The following ELL variants were observed in gnomAD, a reference collection of about 807,000 sequenced individuals.
ELL encodes RNA polymerase II elongation factor ELL.
Under a neutral mutation model 64.0 loss-of-function variants are expected in ELL, and 18 were observed. The ratio of observed to expected loss-of-function variants is 0.28; its 90% CI spans 0.19 to 0.42. The LOEUF (loss-of-function observed/expected upper bound fraction) is 0.42. Among genes scored for constraint, ELL ranks in the 10% least tolerant of loss-of-function variants. The pLI, the probability that ELL is intolerant of heterozygous loss-of-function variation, is 1.00. For missense variants in ELL, 797 were observed against 870.4 expected (o/e 0.92, Z 1.06); for synonymous variants, 399 against 376.2 (o/e 1.06, Z -0.70).
In ELL at chr19:18,498,471, G is replaced by C. The variant is rs112627884; in HGVS notation, c.135+23450C>G. 7.2e-3 allele frequency among the ~76,000 whole-genome samples: 1,096 copies of C among 152,272 alleles called. 7 individuals are homozygous for C. Among genetic ancestry groups the C allele is most frequent in the Middle Eastern group, 0.014 (4 of 294 alleles). On this transcript the variant is annotated intron_variant, in intron 1 of 11. Transcript: ENST00000262809. ...CTGATGCCAGGCAGCTGCACTCAAC[G>C]GTGTGAGACTGCACAGTACCATCCA...
chr19:18,482,991 G>C (rs1320180262), intron 1 of ELL, among the ~76,000 whole-genome samples: 1 of 151,932 alleles, frequency 6.6e-6, no homozygotes, highest in Non-Finnish European at 1.5e-5. Flanking sequence ...GTGTTGCCCA[G>C]GCTGGTCTCA....
intron 1 of ELL, among the ~76,000 whole-genome samples, chr19:18,494,462 C>T (rs1487964572): frequency 1.3e-5 from 2 of 151,812 alleles, no homozygotes; most frequent in Non-Finnish European, 2.9e-5. Flanking sequence ...GGCGCGATCT[C>T]TGCTCACTGC....
intron 1 of ELL, among the ~76,000 whole-genome samples, chr19:18,519,774 T>C (rs1324404963): frequency 7.5e-6 from 1 of 134,004 alleles, no homozygotes; most frequent in East Asian, 2.1e-4. Flanking sequence ...GCCACCTCAA[T>C]GAAGCCTGGG....
At chr19:18,478,633 C>T (rs543102694) in intron 1 of ELL, among the ~76,000 whole-genome samples, 44 of 152,226 alleles carry the variant, frequency 2.9e-4, no homozygotes, top group Non-Finnish European at 5.4e-4. Context: ...CTGGTAGGGC[C>T]GCCACAGCTG....
At position 18,450,665 on chromosome 19, in the gene ELL, C is replaced by G. The variant is rs756997423; in HGVS notation, c.1277G>C (p.Gly426Ala). The G allele has an allele frequency of 1.3e-5, 21 of 1,589,460 alleles. No individual in the cohort carries two copies. In the East Asian group the frequency reaches 4.3e-4, roughly 33 times the overall value. Residue 426 changes from glycine to alanine, a missense_variant, in exon 8 of 12, where the codon GGC (glycine) becomes GCC (alanine). Physicochemically the swap from Gly to Ala is moderately conservative, Grantham distance 60. Transcript: ENST00000262809. ...AAAPAPTVRL[G>A]LPLLTDCAQP... ...GGCACAGTCCGTCAGCAGGGGCAGG[C>G]CGAGGCGCACAGTGGGGGCTGGGGC...
intron 1 of ELL, among the ~76,000 whole-genome samples, chr19:18,485,700 G>T (rs1975397065): frequency 1.3e-5 from 2 of 152,150 alleles, no homozygotes; most frequent in South Asian, 4.1e-4. Flanking sequence ...GAAAGCTACG[G>T]GGATGGGCCG....
chr19:18,485,351 AC>A (rs1425572215), intron 1 of ELL, among the ~76,000 whole-genome samples: 2 of 151,980 alleles, frequency 1.3e-5, no homozygotes, highest in African/African-American at 2.4e-5. Flanking sequence ...TCCAAGCTCA[AC>A]TGCTATTAGA....
intron 2 of ELL, among the ~76,000 whole-genome samples, chr19:18,471,827 A>C (rs1052782887): frequency 1.3e-5 from 2 of 152,210 alleles, no homozygotes; most frequent in South Asian, 4.1e-4. Context: ...ATTTCAAAAA[A>C]ATGAGGGTGC....
intron 1 of ELL, among the ~76,000 whole-genome samples, chr19:18,519,821 A>AAAAGAAAG (rs56926583): frequency 7.2e-6 from 1 of 139,258 alleles, no homozygotes; most frequent in Admixed American, 7.3e-5. Context: ...AAAAAAAAAA[A>AAAAGAAAG]AAAGAAAGAA....
chr19:18,468,569 T>TG (rs1974999677), intron 2 of ELL, among the ~76,000 whole-genome samples: 1 of 152,204 alleles, frequency 6.6e-6, no homozygotes, highest in South Asian at 2.1e-4. Context: ...CCAGGGAAGC[T>TG]GGGGACCACA....
At chr19:18,509,599 A>G (rs910102133) in intron 1 of ELL, among the ~76,000 whole-genome samples, 2,596 of 9,106 alleles carry the variant, frequency 0.29, 144 homozygotes, top group African/African-American at 0.42. Context: ...GCGCGCACAT[A>G]CACACACACA....
chr19:18,445,354 A>G, intron 10 of ELL, 86 bp from the exon 11 acceptor site: 63 of 566,712 alleles, frequency 1.1e-4, no homozygotes, highest in East Asian at 4.2e-4. Flanking sequence ...TGCTCTGAGA[A>G]GGGGGCATGG....
intron 1 of ELL, among the ~76,000 whole-genome samples, chr19:18,483,075 T>G (rs1027741004): frequency 6.6e-6 from 1 of 151,936 alleles, no homozygotes; most frequent in Non-Finnish European, 1.5e-5. Flanking sequence ...GCCATCACAC[T>G]CCCATCTTTT....
chr19:18,504,959 C>T (rs1975852433), intron 1 of ELL, among the ~76,000 whole-genome samples: 2 of 152,334 alleles, frequency 1.3e-5, no homozygotes, highest in South Asian at 4.1e-4. Context: ...CCCACAGCTC[C>T]AGCAGAGGAA....
intron 1 of ELL, among the ~76,000 whole-genome samples, chr19:18,505,175 C>T (rs570486672): frequency 1.1e-3 from 161 of 152,258 alleles, no homozygotes; most frequent in Middle Eastern, 3.4e-3. Context: ...TGTCCCGTAG[C>T]CCCCACTCCT....
At chr19:18,474,459 T>C (rs993280983) in intron 1 of ELL, among the ~76,000 whole-genome samples, 6 of 152,216 alleles carry the variant, frequency 3.9e-5, no homozygotes, top group African/African-American at 1.4e-4. Context: ...ATGGTGCCCC[T>C]GCACGCTAAC....
At chr19:18,508,744 G>C (rs1374843139) in intron 1 of ELL, among the ~76,000 whole-genome samples, 1 of 152,254 alleles carries the variant, frequency 6.6e-6, no homozygotes, top group East Asian at 1.9e-4. Flanking sequence ...AGCCTTGGCT[G>C]CCGTCACAGG....
intron 1 of ELL, among the ~76,000 whole-genome samples, chr19:18,513,718 T>A (rs918780990): frequency 6.6e-6 from 1 of 151,850 alleles, no homozygotes; most frequent in African/African-American, 2.4e-5. Flanking sequence ...GATCACAAGG[T>A]CAGGAGATGG....
In ELL at chr19:18,479,308, G is replaced by A. The variant is rs79868894; in HGVS notation, c.136-6426C>T. 1.7e-4 allele frequency among the ~76,000 whole-genome samples: 26 copies of A among 152,278 alleles called. No homozygotes were observed. In the East Asian group the frequency reaches 3.9e-3, roughly 23 times the overall value. ...AGAAGCCCTGGGCTGACCCTGCCAC[G>A]GGAAGCGACCATCAGAGCAGAAAGC... On this transcript the variant is annotated intron_variant, in intron 1 of 11. Coordinates refer to ENST00000262809, the MANE Select transcript of ELL (RefSeq NM_006532.4).
Sources: gnomAD v4.1 joint callset for allele counts (sites outside exome capture counted in the v4.1 genomes callset) on GRCh38, gnomAD v4.1.1 for gene constraint, MANE v1.5 for transcripts, NCBI Gene and HGNC (gene_info 2026-07-23, HGNC 2026-07-21) for gene names.